Variants in CNTN6 observed in about 807,000 individuals in gnomAD.
The protein encoded by CNTN6 is contactin 6, also known as contactin-6.
Under a neutral mutation model 122.8 loss-of-function variants are expected in CNTN6, and 137 were observed. The ratio of observed to expected loss-of-function variants is 1.12; its 90% CI spans 0.97 to 1.29. CNTN6 has a LOEUF of 1.29. Ranked by LOEUF, CNTN6 falls within the 50% of genes most tolerant of loss-of-function variation. CNTN6 has a pLI of 0.00. For missense variants in CNTN6, 1,634 were observed against 1,223.4 expected (o/e 1.34, Z -5.01); for synonymous variants, 570 against 426.0 (o/e 1.34, Z -4.16).
At chr3:1,256,684 C>A (rs1390371959) in intron 4 of CNTN6, among the ~76,000 whole-genome samples, 1 of 151,932 alleles carries the variant, frequency 6.6e-6, no homozygotes, top group Non-Finnish European at 1.5e-5. Flanking sequence ...AAATAAATCC[C>A]AAATAATTCC....
At chr3:1,164,016 C>G (rs570017060) in intron 2 of CNTN6, among the ~76,000 whole-genome samples, 75 of 152,290 alleles carry the variant, frequency 4.9e-4, no homozygotes, top group Admixed American at 7.8e-4. Flanking sequence ...CAGAATTTCT[C>G]TTCCCTATCC....
chr3:1,143,418 G>A (rs2092657540), intron 1 of CNTN6, among the ~76,000 whole-genome samples: 1 of 152,136 alleles, frequency 6.6e-6, no homozygotes, highest in South Asian at 2.1e-4. Context: ...ACTCTTTTTA[G>A]GTTCTAGAAG....
intron 4 of CNTN6, among the ~76,000 whole-genome samples, chr3:1,245,289 A>G (rs2094560062): frequency 3.1e-4 from 2 of 6,548 alleles, no homozygotes; most frequent in African/African-American, 1.0e-3. Context: ...ACACATATAT[A>G]TATAACATAT....
At chr3:1,318,078 A>C (rs1559805785) in intron 7 of CNTN6, among the ~76,000 whole-genome samples, 1 of 151,644 alleles carries the variant, frequency 6.6e-6, no homozygotes, top group Non-Finnish European at 1.5e-5. Context: ...AGAAAGAAGA[A>C]AAAAAGGAAA....
chr3:1,308,997 T>C (rs1434846461), intron 7 of CNTN6, among the ~76,000 whole-genome samples: 2 of 152,208 alleles, frequency 1.3e-5, no homozygotes, highest in African/African-American at 4.8e-5. Context: ...TTCTTATTGA[T>C]GAGCTTTAAG....
intron 20 of CNTN6, among the ~76,000 whole-genome samples, chr3:1,394,977 GTTCCT>G (rs1490356335): frequency 6.6e-6 from 1 of 152,116 alleles, no homozygotes; most frequent in Admixed American, 6.5e-5. Context: ...GAAGATTAGC[GTTCCT>G]TTAAGTATTC....
chr3:1,243,153 C>T (rs949086570), intron 4 of CNTN6, among the ~76,000 whole-genome samples: 4 of 152,078 alleles, frequency 2.6e-5, no homozygotes, highest in Non-Finnish European at 4.4e-5. Flanking sequence ...GGAGTGGCTG[C>T]CAGGTGAGTT....
chr3:1,237,635 A>G (rs1441736301), intron 4 of CNTN6, among the ~76,000 whole-genome samples: 1 of 152,206 alleles, frequency 6.6e-6, no homozygotes, highest in Non-Finnish European at 1.5e-5. Flanking sequence ...AAAGACTCTT[A>G]ATAGCTATGA....
chr3:1,376,877 A>T (rs1044871132), intron 16 of CNTN6, 128 bp from the exon 17 acceptor site: 28 of 593,814 alleles, frequency 4.7e-5, no homozygotes, highest in Non-Finnish European at 8.4e-5. Context: ...TACGTTCATT[A>T]AAAATGCAAG....
intron 9 of CNTN6, among the ~76,000 whole-genome samples, chr3:1,326,235 T>A (rs1701521408): frequency 6.6e-6 from 1 of 151,876 alleles, no homozygotes; most frequent in Non-Finnish European, 1.5e-5. Flanking sequence ...ACCGTCATCA[T>A]CGACACGGAT....
intron 2 of CNTN6, among the ~76,000 whole-genome samples, chr3:1,170,964 G>A (rs1402012716): frequency 6.6e-6 from 1 of 152,172 alleles, no homozygotes; most frequent in Non-Finnish European, 1.5e-5. Context: ...AAAGTGCGTA[G>A]AAAGTGCTCG....
At chr3:1,099,946 A>G (rs2090788977) in intron 1 of CNTN6, among the ~76,000 whole-genome samples, 1 of 152,190 alleles carries the variant, frequency 6.6e-6, no homozygotes, top group Non-Finnish European at 1.5e-5. Context: ...TTTTCAAATA[A>G]AGACTAAAGA....
At chr3:1,230,198 T>C (rs1202446553) in intron 4 of CNTN6, among the ~76,000 whole-genome samples, 1 of 152,178 alleles carries the variant, frequency 6.6e-6, no homozygotes, top group Non-Finnish European at 1.5e-5. Flanking sequence ...AGCAGATAAA[T>C]GCTGAGATTT....
At chr3:1,253,054 G>A (rs140756253) in intron 4 of CNTN6, among the ~76,000 whole-genome samples, 1 of 152,292 alleles carries the variant, frequency 6.6e-6, no homozygotes, top group African/African-American at 2.4e-5. Context: ...CTATGTGCGT[G>A]TTCTAATCTA....
intron 11 of CNTN6, among the ~76,000 whole-genome samples, chr3:1,333,167 C>T (rs955050606): frequency 6.6e-6 from 1 of 151,802 alleles, no homozygotes; most frequent in Non-Finnish European, 1.5e-5. Context: ...ATATTAGGAG[C>T]CAGGGACAGA....
intron 6 of CNTN6, among the ~76,000 whole-genome samples, chr3:1,296,500 C>T (rs556702001): frequency 4.1e-4 from 62 of 152,194 alleles, no homozygotes; most frequent in African/African-American, 1.4e-3. Flanking sequence ...TAAATGTTCA[C>T]AGTGGGATTC....
intron 19 of CNTN6, among the ~76,000 whole-genome samples, chr3:1,384,383 A>G (rs1412894995): frequency 2.0e-5 from 3 of 152,124 alleles, no homozygotes; most frequent in Non-Finnish European, 4.4e-5. Context: ...GAATTGCAGT[A>G]TAACTTGGAA....
intron 12 of CNTN6, among the ~76,000 whole-genome samples, chr3:1,363,497 A>G (rs1355589809): frequency 6.6e-6 from 1 of 151,828 alleles, no homozygotes; most frequent in Non-Finnish European, 1.5e-5. Context: ...TGCCACCTAT[A>G]ATTTAGATCA....
chr3:1,095,504 C>T (rs1373207674), intron 1 of CNTN6, among the ~76,000 whole-genome samples: 1 of 151,918 alleles, frequency 6.6e-6, no homozygotes, highest in Non-Finnish European at 1.5e-5. Flanking sequence ...AAACAGAAAA[C>T]AGAAACATTG....
Sources: allele counts gnomAD v4.1 joint callset (sites outside exome capture counted in the v4.1 genomes callset), GRCh38; gene constraint gnomAD v4.1.1; transcripts MANE v1.5; gene names NCBI Gene and HGNC (gene_info 2026-07-23, HGNC 2026-07-21).